Variants in CATSPERG observed in about 807,000 individuals in gnomAD.
CATSPERG encodes the protein catsper channel auxiliary subunit gamma, also known as cation channel sperm-associated auxiliary subunit gamma.
In CATSPERG, 115 loss-of-function variants were observed where a neutral mutation model predicts 145.0. The observed-to-expected ratio is 0.79, with a 90% CI of 0.68 to 0.93. The LOEUF (loss-of-function observed/expected upper bound fraction) is 0.93. CATSPERG is among the 40% of genes least tolerant of loss of function. The pLI is 0.00. For synonymous variants in CATSPERG, 588 were observed against 589.0 expected (o/e 1.00, Z 0.02); for missense variants, 1,296 against 1,490.1 (o/e 0.87, Z 2.14).
rs780456912 is a variant in CATSPERG, at chr19:38,370,649, T to G, written c.3337T>G (p.Ser1113Ala). Residue 1113 changes from serine (S) to alanine (A), a missense_variant, in exon 29 of 29, where the codon TCC (serine) becomes GCC (alanine). Physicochemically the swap from Ser to Ala is moderately conservative, Grantham distance 99. Transcript: ENST00000409235. ...WKINNLIASE[S>A]YYTYASISGI... ...GATAAACAACCTCATTGCCTCAGAA[T>G]CCTACTACACCTACGCCTCCATTTC... The G allele has an allele frequency of 2.6e-5, 42 of 1,613,972 alleles. No homozygotes were observed. Among genetic ancestry groups the G allele is most frequent in the Non-Finnish European group, 3.5e-5 (41 of 1,180,024 alleles).
chr19:38,358,740 T>C (rs1011151673), intron 13 of CATSPERG, among the ~76,000 whole-genome samples, 179 bp downstream of exon 13: 3 of 152,204 alleles, frequency 2.0e-5, no homozygotes, highest in Admixed American at 2.0e-4. Flanking sequence ...AGTGCTGGGA[T>C]GGGGGAAGCC....
In CATSPERG at chr19:38,337,611, TACTACCTGAAGATCA is replaced by T; in HGVS notation, c.295_309del (p.Leu99_Tyr103del). 6.4e-7 allele frequency: 1 copy of T among 1,551,630 alleles called. No homozygotes were observed. Among genetic ancestry groups the T allele is most frequent in the East Asian group, 2.4e-5 (1 of 40,944 alleles). On this transcript the variant is annotated inframe_deletion, in exon 3 of 29. Coordinates refer to ENST00000409235, the MANE Select transcript of CATSPERG (RefSeq NM_021185.5). ...TTTGCAGAAATACCTGGGCTTCCCTTACTACCTGAAGATCAACTACTCCTGCGAGGAAAAGGTGAG... is the reference window on the plus strand; with the variant it reads ...TTTGCAGAAATACCTGGGCTTCCCTTACTACTCCTGCGAGGAAAAGGTGAG...
At chr19:38,355,444 C>T (rs1970226804) in intron 9 of CATSPERG, among the ~76,000 whole-genome samples, 1 of 151,990 alleles carries the variant, frequency 6.6e-6, no homozygotes, top group African/African-American at 2.4e-5. Context: ...TGCCTGTAAT[C>T]CCAGCACTTT....
intron 14 of CATSPERG, chr19:38,360,250 G>A (rs1016931980): frequency 1.9e-5 from 19 of 985,204 alleles, no homozygotes; most frequent in South Asian, 9.4e-5. Flanking sequence ...CAAACAGACC[G>A]AAAACATTGA....
At position 38,370,705 on chromosome 19, in the gene CATSPERG, T is replaced by TTCCAGGATGGGCTCCATGTTCAGC; in HGVS notation, c.3403_3426dup (p.Gly1135_Met1142dup). 6.2e-7 allele frequency: 1 copy of TTCCAGGATGGGCTCCATGTTCAGC among 1,614,058 alleles called. No individual in the cohort carries two copies. The highest frequency in any genetic ancestry group is 8.5e-7 in the Non-Finnish European group (1 of 1,179,998). On this transcript the variant is annotated inframe_insertion, in exon 29 of 29. Coordinates refer to ENST00000409235, the MANE Select transcript of CATSPERG (RefSeq NM_021185.5). ...TCTCGAGCATGCCGTCTCTGAGACA[T>TTCCAGGATGGGCTCCATGTTCAGC]TCCAGGATGGGCTCCATGTTCAGCT...
chr19:38,350,934 A>G (rs1251659147), intron 7 of CATSPERG, among the ~76,000 whole-genome samples: 1 of 152,202 alleles, frequency 6.6e-6, no homozygotes, highest in Non-Finnish European at 1.5e-5. Flanking sequence ...GGTTGCAGTC[A>G]GCCAGGATTG....
intron 1 of CATSPERG, chr19:38,336,234 C>T (rs1435237613): frequency 4.4e-6 from 2 of 455,794 alleles, no homozygotes; most frequent in African/African-American, 2.0e-5. Flanking sequence ...AAGCTGGTGC[C>T]GGCGTGGAAG....
At chr19:38,362,874 T>G (rs759285939) in intron 20 of CATSPERG, 42 bp downstream of exon 20, 17 of 685,106 alleles carry the variant, frequency 2.5e-5, no homozygotes, top group Middle Eastern at 8.2e-4. Flanking sequence ...AGGTTTTGTT[T>G]TTTTTTTTTT....
chr19:38,344,312 A>G lies in CATSPERG; in HGVS notation c.613A>G (p.Asn205Asp), dbSNP rs2145068174. Residue 205 changes from asparagine to aspartate, a missense_variant, in exon 6 of 29, where the codon AAC becomes GAC. Coordinates refer to ENST00000409235, the MANE Select transcript of CATSPERG (RefSeq NM_021185.5). ...IPDKRFQMNI[N>D]GFLKRDRDNN... ...TGCTGCTAGGTTCCAGATGAATATC[A>G]ACGGCTTCCTGAAGAGAGACCGGGA... 2 of 1,551,778 alleles carry G rather than the reference A, an allele frequency of 1.3e-6. No individual in the cohort carries two copies. The highest frequency in any genetic ancestry group is 2.0e-5 in the Admixed American group (1 of 50,996).
In CATSPERG at chr19:38,358,424, C is replaced by T; in HGVS notation, c.1367-8C>T. The T allele has an allele frequency of 6.2e-7, 1 of 1,614,160 alleles. No homozygotes were observed. Among genetic ancestry groups the T allele is most frequent in the Non-Finnish European group, 8.5e-7 (1 of 1,180,022 alleles). ...CTGCTGTGTCCTCTCTTCCTCTGCT[C>T]CGGTCAGCTCGAGGATTGGAGTTCC... is the stretch of plus-strand genomic sequence containing the variant. On this transcript the variant is annotated splice_polypyrimidine_tract_variant and splice_region_variant and intron_variant, in intron 12 of 28. Transcript: ENST00000409235.
At position 38,370,781 on chromosome 19, in the gene CATSPERG, T is replaced by C. The variant is rs1389872271; in HGVS notation, c.3469T>C (p.Leu1157=). ...ACCCAAGGAAGCCGTGGAGAGACAGTTGATGACCTGAGTGTCCCACCTGCC... is the reference window on the plus strand; with the variant it reads ...ACCCAAGGAAGCCGTGGAGAGACAGCTGATGACCTGAGTGTCCCACCTGCC... The part of the protein sequence containing the change: ...AEPKEAVERQ[L]MT The change falls in exon 29 of 29, where the codon TTG becomes CTG. Residue 1157 remains leucine (L), a synonymous_variant. Coordinates refer to ENST00000409235, the MANE Select transcript of CATSPERG (RefSeq NM_021185.5). 1 of 1,613,578 alleles carries C rather than the reference T, an allele frequency of 6.2e-7. No homozygotes were observed. The highest frequency in any genetic ancestry group is 1.7e-4 in the Middle Eastern group (1 of 6,048).
intron 11 of CATSPERG, among the ~76,000 whole-genome samples, chr19:38,357,818 G>C (rs1456735445): frequency 6.6e-6 from 1 of 152,186 alleles, no homozygotes; most frequent in East Asian, 1.9e-4. Context: ...CGGGCATGAT[G>C]GTGGGTACCT....
chr19:38,350,626 G>A (rs1402667921), intron 7 of CATSPERG, among the ~76,000 whole-genome samples: 1 of 152,148 alleles, frequency 6.6e-6, no homozygotes, highest in Non-Finnish European at 1.5e-5. Flanking sequence ...CAATCCACCT[G>A]TCTAAGCCTC....
At chr19:38,344,924 T>TTTTTA (rs1970013960) in intron 6 of CATSPERG, among the ~76,000 whole-genome samples, 2 of 125,632 alleles carry the variant, frequency 1.6e-5, no homozygotes, top group African/African-American at 5.7e-5. Context: ...TTTTTTTTTT[T>TTTTTA]GAGACGGGGC....
Position 38,361,757 on chromosome 19 carries a change from C to T in CATSPERG, c.1990C>T (p.Pro664Ser), listed in dbSNP as rs375286948. The T allele has an allele frequency of 2.5e-6, 4 of 1,612,734 alleles. No homozygotes were observed. The African/African-American group carries it at 4.0e-5, about 16-fold the overall frequency. ...GCGCCAGGAGCGCTACCGGGCGCGG[C>T]CGCCGCGCGTCCTGGAGCGCTCGGG... ...YTRQERYRAR[P>S]PRVLERSGFH... is the part of the protein sequence containing the mutation. The change falls in exon 17 of 29, where the codon CCG (proline) becomes TCG (serine). Residue 664 changes from proline (P) to serine (S), a missense_variant. By Grantham distance (74) the Pro-to-Ser change is moderately conservative. Transcript: ENST00000409235.
chr19:38,344,384 A>T lies in CATSPERG; in HGVS notation c.669+16A>T. ...GGGAGAGGAGGTGAGGGAATATGGC[A>T]GGGGAAAAAGACAATGGTCTGGGCC... On this transcript the variant is annotated intron_variant, in intron 6 of 28. Coordinates refer to ENST00000409235, the MANE Select transcript of CATSPERG (RefSeq NM_021185.5). The T allele has an allele frequency of 1.3e-6, 2 of 1,548,658 alleles. No individual in the cohort carries two copies. The highest frequency in any genetic ancestry group is 2.7e-5 in the African/African-American group (2 of 73,098).
intron 6 of CATSPERG, among the ~76,000 whole-genome samples, chr19:38,344,856 G>GACACAC (rs34101460): frequency 3.2e-4 from 30 of 92,344 alleles, no homozygotes; most frequent in African/African-American, 4.9e-4. Flanking sequence ...TACATGAACA[G>GACACAC]ACACACACAC....
chr19:38,352,604 T>G, intron 8 of CATSPERG, 172 bp downstream of exon 8: 4 of 613,606 alleles, frequency 6.5e-6, no homozygotes, highest in Non-Finnish European at 8.4e-6. Context: ...CCTTTTTTTT[T>G]TTTTTTTTTT....
In CATSPERG at chr19:38,370,687, C is replaced by T. The variant is rs772094079; in HGVS notation, c.3375C>T (p.Ser1125=). 1.9e-6 allele frequency: 3 copies of T among 1,613,958 alleles called. No homozygotes were observed. The highest frequency in any genetic ancestry group is 2.7e-5 in the African/African-American group (2 of 74,868). ...ACGCCTCCATTTCCGGAATCTCGAG[C>T]ATGCCGTCTCTGAGACATTCCAGGA... ...YTYASISGIS[S]MPSLRHSRMG... is the part of the protein sequence containing the mutation. The change falls in exon 29 of 29, where the codon AGC becomes AGT. Residue 1125 remains serine, a synonymous_variant. Transcript: ENST00000409235.
Sources: gnomAD v4.1 joint callset for allele counts (sites outside exome capture counted in the v4.1 genomes callset) on GRCh38, gnomAD v4.1.1 for gene constraint, MANE v1.5 for transcripts, NCBI Gene and HGNC (gene_info 2026-07-23, HGNC 2026-07-21) for gene names.